VARS2: variants seen among roughly 807,000 people sequenced by gnomAD.
VARS2 encodes the protein valine--tRNA ligase, mitochondrial.
In VARS2, 105 loss-of-function variants were observed where a neutral mutation model predicts 154.1. The observed-to-expected ratio is 0.68, with a 90% confidence interval of 0.58 to 0.80. VARS2 has a LOEUF of 0.80. VARS2 is among the 30% of genes least tolerant of loss of function. The pLI, the probability that VARS2 is intolerant of heterozygous loss-of-function variation, is 0.00. For missense variants in VARS2, 1,157 were observed against 1,361.4 expected, an observed-to-expected ratio of 0.85 and a Z score of 2.36; for synonymous variants, 483 against 539.5, an observed-to-expected ratio of 0.90 and a Z score of 1.45.
rs1310434477 is a variant in VARS2 at position 30,921,175 on chromosome 6, T to G, written c.1556+34T>G. The G allele has an allele frequency of 6.2e-7, 1 of 1,613,462 alleles. No individual in the cohort carries two copies. Among genetic ancestry groups the G allele is most frequent in the Non-Finnish European group, 8.5e-7 (1 of 1,179,732 alleles). On this transcript the variant is annotated intron_variant, in intron 16 of 29. Transcript: ENST00000676266. The surrounding 1 kb of genome is among the most constrained non-coding windows in gnomAD (Gnocchi z 4.6). ...AGGGTAAGGGGAGCTCTTGTGGAGA[T>G]GGGGAGGGGGGACTGACTGGTTATT...
At position 30,921,842 on chromosome 6, in the gene VARS2, G is replaced by T; in HGVS notation, c.1736-83G>T. ...ACAGCCCTGGTCTCTGGGGGTGGGG[G>T]TTGGCCTAGAATGGTGGCAGCAGTG... On this transcript the variant is annotated intron_variant, in intron 18 of 29. Coordinates refer to ENST00000676266, the MANE Select transcript of VARS2 (RefSeq NM_020442.6). The surrounding 1 kb of genome is among the most constrained non-coding windows in gnomAD (Gnocchi z 4.6). 3 of 1,583,386 alleles carry T rather than the reference G, an allele frequency of 1.9e-6. No individual in the cohort carries two copies. The highest frequency in any genetic ancestry group is 2.6e-6 in the Non-Finnish European group (3 of 1,155,188).
chr6:30,917,763 T>A lies in VARS2; in HGVS notation c.942T>A (p.Phe314Leu). ...RLPGCPTPVS[F>L]GLLFSVAFPV... Reference sequence around the variant, plus strand: ...CTGGCTGCCCCACCCCCGTGTCTTTTGGCCTCCTATTTTCTGTTGCCTTCC... The same window carrying A: ...CTGGCTGCCCCACCCCCGTGTCTTTAGGCCTCCTATTTTCTGTTGCCTTCC... Residue 314 changes from phenylalanine (F) to leucine (L), a missense_variant, in exon 10 of 30, where the codon TTT (phenylalanine) becomes TTA (leucine). Transcript: ENST00000676266. This position sits in a 1 kb window ranked among gnomAD's most constrained non-coding sequence, Gnocchi z 4.4. The A allele has an allele frequency of 3.2e-6, 5 of 1,565,590 alleles. No individual in the cohort carries two copies. The highest frequency in any genetic ancestry group is 4.3e-6 in the Non-Finnish European group (5 of 1,154,500).
At position 30,920,214 on chromosome 6, in the gene VARS2, C is replaced by T; in HGVS notation, c.1291C>T (p.Gln431Ter). Residue 431 changes from glutamine to a stop codon, truncating the protein, a stop_gained and splice_region_variant, in exon 13 of 30, where the codon CAG (glutamine) becomes TAG (stop). Coordinates refer to ENST00000676266, the MANE Select transcript of VARS2 (RefSeq NM_020442.6). LOFTEE classifies it high-confidence loss of function. The surrounding 1 kb of genome is among the most constrained non-coding windows in gnomAD (Gnocchi z 4.6). ...GACCTCCCTCTGCGGGGACTGGCTG[C>T]AGGTGGTACCACCCTATGTTACCCC... is the stretch of plus-strand genomic sequence containing the variant. ...TMTSLCGDWLQGLHRFVAREK... is the reference protein window; with the variant it reads ...TMTSLCGDWL The T allele has an allele frequency of 6.4e-7, 1 of 1,567,138 alleles. No homozygotes were observed. Among genetic ancestry groups the T allele is most frequent in the Admixed American group, 1.8e-5 (1 of 54,582 alleles).
Position 30,925,598 on chromosome 6 carries a change from A to G in VARS2, c.2840A>G (p.Glu947Gly), listed in dbSNP as rs777355936. 6.2e-7 allele frequency: 1 copy of G among 1,610,278 alleles called. No homozygotes were observed. Among genetic ancestry groups the G allele is most frequent in the Non-Finnish European group, 8.5e-7 (1 of 1,179,218 alleles). The change falls in exon 28 of 30, where the codon GAG (glutamate) becomes GGG (glycine). Residue 947 changes from glutamate to glycine, a missense_variant. By Grantham distance (98) the Glu-to-Gly change is moderately conservative. Coordinates refer to ENST00000676266, the MANE Select transcript of VARS2 (RefSeq NM_020442.6). The stretch of plus-strand genomic sequence containing the variant: ...CAGGGCCTCTTCGAGGCCTTCTTGG[A>G]GCCCCTGGGCACCCTGGGCTACTGT... ...GDQGLFEAFL[E>G]PLGTLGYCGA...
chr6:30,922,399 C>G, intron 20 of VARS2, 51 bp from the exon 21 acceptor site: 1 of 1,608,868 alleles, frequency 6.2e-7, no homozygotes, highest in Non-Finnish European at 8.5e-7. Flanking sequence ...GCCAGAGATC[C>G]CAAGGCACCT....
Position 30,914,812 on chromosome 6 carries a change from C to T in VARS2, c.-25C>T. 1 of 1,612,938 alleles carries T rather than the reference C, an allele frequency of 6.2e-7. No homozygotes were observed. Among genetic ancestry groups the T allele is most frequent in the East Asian group, 2.2e-5 (1 of 44,886 alleles). On this transcript the variant is annotated splice_region_variant and 5_prime_UTR_variant, in exon 2 of 30. Coordinates refer to ENST00000676266, the MANE Select transcript of VARS2 (RefSeq NM_020442.6). ...TGCTCTCTCTCTATCCAGAACAGAT[C>T]TCGGCCCCTTTCCAAACACTCCTGA...
Position 30,922,334 on chromosome 6 carries a change from G to A in VARS2, c.1932+93G>A, listed in dbSNP as rs531149091. 2.6e-5 allele frequency: 42 copies of A among 1,594,102 alleles called. No individual in the cohort carries two copies. In the African/African-American group the frequency reaches 3.2e-4, roughly 12 times the overall value. ...TAACCCCTAATGTGGTCCTTTCCAC[G>A]TTGCTGATTCCTTTTTCCTAATTCA... On this transcript the variant is annotated intron_variant, in intron 20 of 29. Coordinates refer to ENST00000676266, the MANE Select transcript of VARS2 (RefSeq NM_020442.6).
chr6:30,925,479 G>A, intron 27 of VARS2, 65 bp from the exon 28 acceptor site: 2 of 1,559,942 alleles, frequency 1.3e-6, no homozygotes, highest in Non-Finnish European at 8.7e-7. Flanking sequence ...CCCCCGTTAG[G>A]AGGTGCAGGG....
Position 30,917,398 on chromosome 6 carries a change from T to G in VARS2, c.873+174T>G, listed in dbSNP as rs1379256718. Among the ~76,000 whole-genome samples, 1 of 152,268 alleles carries G rather than the reference T, an allele frequency of 6.6e-6. No individual in the cohort carries two copies. The highest frequency in any genetic ancestry group is 1.5e-5 in the Non-Finnish European group (1 of 68,050). The stretch of plus-strand genomic sequence containing the variant: ...TCTTTAAGCCTCAGCTTCCTCAGTC[T>G]GTAAATTAGAGATGATGGAATGCTT... On this transcript the variant is annotated intron_variant, in intron 9 of 29. Transcript: ENST00000676266. This position sits in a 1 kb window ranked among gnomAD's most constrained non-coding sequence, Gnocchi z 4.4.
intron 22 of VARS2, 61 bp downstream of exon 22, chr6:30,922,835 A>C: frequency 3.8e-6 from 6 of 1,582,650 alleles, no homozygotes; most frequent in Non-Finnish European, 5.2e-6. Flanking sequence ...TTCCTCTGCA[A>C]CCCAGGTCCT....
At position 30,923,178 on chromosome 6, in the gene VARS2, C is replaced by G; in HGVS notation, c.2260C>G (p.Arg754Gly). 2 of 1,613,104 alleles carry G rather than the reference C, an allele frequency of 1.2e-6. No individual in the cohort carries two copies. The highest frequency in any genetic ancestry group is 1.7e-6 in the Non-Finnish European group (2 of 1,180,036). ...HFCNKIWNAL[R>G]FILNALGEKF... The stretch of plus-strand genomic sequence containing the variant: ...CTGCAACAAGATCTGGAATGCTCTT[C>G]GCTTTATCCTCAATGCTTTAGGGGA... The change falls in exon 24 of 30, where the codon CGC (arginine) becomes GGC (glycine). Residue 754 changes from arginine (R) to glycine (G), a missense_variant. Coordinates refer to ENST00000676266, the MANE Select transcript of VARS2 (RefSeq NM_020442.6).
chr6:30,918,354 C>T lies in VARS2; in HGVS notation c.986-473C>T, dbSNP rs560864342. Among the ~76,000 whole-genome samples the T allele has an allele frequency of 2.1e-3, 327 of 152,346 alleles. 4 individuals carry two copies. Among genetic ancestry groups the T allele is most frequent in the Middle Eastern group, 0.01 (3 of 294 alleles). ...GTGCTGGGATTACGGGCGTGAGCCA[C>T]TGCACCTGGCCTCTAAGGTGTGGTT... On this transcript the variant is annotated intron_variant, in intron 10 of 29. Coordinates refer to ENST00000676266, the MANE Select transcript of VARS2 (RefSeq NM_020442.6).
rs1794252960 is a variant in VARS2 at position 30,917,589 on chromosome 6, G to A, written c.874-106G>A. 9.1e-7 allele frequency: 1 copy of A among 1,104,362 alleles called. No individual in the cohort carries two copies. The highest frequency in any genetic ancestry group is 1.6e-5 in the African/African-American group (1 of 62,878). The allele number at this position is 1,104,362 out of a possible 1,614,324, so 68.4% of individuals were successfully genotyped here. ...TCCCGAATCCTCCAAATGGCTTTTA[G>A]ATGGATTGCAGGGAGGCTGGGCAGA... On this transcript the variant is annotated intron_variant, in intron 9 of 29. Transcript: ENST00000676266. The surrounding 1 kb of genome is among the most constrained non-coding windows in gnomAD (Gnocchi z 4.4).
intron 4 of VARS2, 102 bp from the exon 5 acceptor site, chr6:30,915,644 G>T: frequency 6.4e-7 from 1 of 1,555,158 alleles, no homozygotes; most frequent in Non-Finnish European, 8.7e-7. Flanking sequence ...TTATTTGCAG[G>T]ACAGTTCTTC....
rs1794413873 is a variant in VARS2, at chr6:30,920,114, C to T, written c.1191C>T (p.His397=). ...GGGCAGTGAAGGTGACTCCAGCTCACAGTCCTGCCGATGCTGAGATGGGGG... is the reference window on the plus strand; with the variant it reads ...GGGCAGTGAAGGTGACTCCAGCTCATAGTCCTGCCGATGCTGAGATGGGGG... ...GTGAVKVTPA[H]SPADAEMGAR... The change falls in exon 13 of 30, where the codon CAC becomes CAT. Residue 397 remains histidine (H), a synonymous_variant. Coordinates refer to ENST00000676266, the MANE Select transcript of VARS2 (RefSeq NM_020442.6). The surrounding 1 kb of genome is among the most constrained non-coding windows in gnomAD (Gnocchi z 4.6). 2 of 1,565,072 alleles carry T rather than the reference C, an allele frequency of 1.3e-6. No homozygotes were observed. Among genetic ancestry groups the T allele is most frequent in the Non-Finnish European group, 8.6e-7 (1 of 1,156,932 alleles).
intron 10 of VARS2, among the ~76,000 whole-genome samples, chr6:30,918,035 A>G (rs1794287115): frequency 6.6e-6 from 1 of 151,808 alleles, no homozygotes; most frequent in South Asian, 2.1e-4. Flanking sequence ...CTACCCAGGA[A>G]AGAGATCAGT....
In VARS2 at chr6:30,915,022, A is replaced by G; in HGVS notation, c.186A>G (p.Ile62Met). 1 of 1,613,526 alleles carries G rather than the reference A, an allele frequency of 6.2e-7. No individual in the cohort carries two copies. The highest frequency in any genetic ancestry group is 8.5e-7 in the Non-Finnish European group (1 of 1,179,986). ...REKQATLEAE[I>M]AGESKSPAES... ...AGCAGGCGACTCTGGAGGCTGAGAT[A>G]GCAGGGGAGAGCAAGGTTAGGGGTC... Residue 62 changes from isoleucine to methionine, a missense_variant, in exon 2 of 30, where the codon ATA becomes ATG. Transcript: ENST00000676266.
chr6:30,917,367 T>A lies in VARS2; in HGVS notation c.873+143T>A. The A allele has an allele frequency of 1.5e-6, 2 of 1,300,006 alleles. No individual in the cohort carries two copies. The highest frequency in any genetic ancestry group is 2.2e-6 in the Non-Finnish European group (2 of 919,258). 80.5% of individuals were successfully genotyped at this position (1,300,006 alleles called of 1,614,324 possible). On this transcript the variant is annotated intron_variant, in intron 9 of 29. Coordinates refer to ENST00000676266, the MANE Select transcript of VARS2 (RefSeq NM_020442.6). The surrounding 1 kb of genome is among the most constrained non-coding windows in gnomAD (Gnocchi z 4.4). The stretch of plus-strand genomic sequence containing the variant: ...AGCTGTGTGGCTTTTGGCAGGCCGT[T>A]TAGTCTCTTTAAGCCTCAGCTTCCT...
chr6:30,916,089 A>AT lies in VARS2; in HGVS notation c.573+45dup, dbSNP rs760779648. On this transcript the variant is annotated intron_variant, in intron 6 of 29. Coordinates refer to ENST00000676266, the MANE Select transcript of VARS2 (RefSeq NM_020442.6). The surrounding 1 kb of genome is among the most constrained non-coding windows in gnomAD (Gnocchi z 4.0). ...CTGTTCCTTTTCTTGGGCAAAAGCA[A>AT]TTTCTTCCCCCAAAGCAACCAAGCA... 1 of 1,559,156 alleles carries AT rather than the reference A, an allele frequency of 6.4e-7. No individual in the cohort carries two copies. The highest frequency in any genetic ancestry group is 1.9e-5 in the Admixed American group (1 of 53,332).
Sources: allele counts gnomAD v4.1 joint callset (sites outside exome capture counted in the v4.1 genomes callset), GRCh38; gene constraint gnomAD v4.1.1; non-coding constraint Gnocchi (gnomAD v3.1); transcripts MANE v1.5; gene names NCBI Gene and HGNC (gene_info 2026-07-23, HGNC 2026-07-21).